The following CHCHD3 variants were observed in gnomAD, a reference collection of about 807,000 sequenced individuals.
CHCHD3 encodes the protein coiled-coil-helix-coiled-coil-helix domain containing 3, also known as MICOS complex subunit MIC19.
A neutral mutation model predicts 38.2 loss-of-function variants in CHCHD3; 20 were observed. That is an observed-to-expected ratio of 0.52 (90% CI 0.37 to 0.76). The LOEUF (loss-of-function observed/expected upper bound fraction) is 0.76, where lower values mean the gene tolerates loss of function less well. Among genes scored for constraint, CHCHD3 ranks in the 30% least tolerant of loss-of-function variants. CHCHD3 has a pLI of 0.00. For synonymous variants in CHCHD3, 82 were observed against 100.0 expected (o/e 0.82, Z 1.07); for missense variants, 245 against 279.2 (o/e 0.88, Z 0.87).
intron 4 of CHCHD3, among the ~76,000 whole-genome samples, chr7:132,930,360 G>T (rs1357642980): frequency 6.6e-6 from 1 of 151,756 alleles, no homozygotes; most frequent in Non-Finnish European, 1.5e-5. Flanking sequence ...GTAGAGAGTG[G>T]GTCTCACCAT....
At chr7:132,995,643 G>A (rs755345061) in intron 3 of CHCHD3, among the ~76,000 whole-genome samples, 35 of 152,176 alleles carry the variant, frequency 2.3e-4, no homozygotes, top group Admixed American at 2.6e-4. Context: ...GTGAAGCTGC[G>A]GAATTGGCCG....
At chr7:132,957,696 T>C (rs1159751184) in intron 4 of CHCHD3, among the ~76,000 whole-genome samples, 1 of 152,044 alleles carries the variant, frequency 6.6e-6, no homozygotes, top group Non-Finnish European at 1.5e-5. Flanking sequence ...GGTCAGGCTG[T>C]CTCAAGCTTC....
intron 4 of CHCHD3, chr7:132,973,855 G>T (rs1811683810): frequency 8.7e-7 from 1 of 1,152,662 alleles, no homozygotes; most frequent in East Asian, 6.9e-5. Flanking sequence ...TCACTCTTCA[G>T]TTCAAAGTTC....
intron 7 of CHCHD3, among the ~76,000 whole-genome samples, chr7:132,789,585 T>A (rs1278227367): frequency 2.0e-5 from 3 of 152,160 alleles, no homozygotes; most frequent in African/African-American, 7.2e-5. Flanking sequence ...ATCAACTGAT[T>A]TTTGAATCAC....
At chr7:132,797,517 C>T (rs893841909) in intron 6 of CHCHD3, among the ~76,000 whole-genome samples, 14 of 152,176 alleles carry the variant, frequency 9.2e-5, no homozygotes, top group African/African-American at 2.2e-4. Flanking sequence ...CCTACATTTA[C>T]TAGAATGTAA....
At chr7:132,875,541 T>C (rs761990756) in intron 5 of CHCHD3, among the ~76,000 whole-genome samples, 1 of 152,188 alleles carries the variant, frequency 6.6e-6, no homozygotes, top group Non-Finnish European at 1.5e-5. Context: ...TCTTTAGCTC[T>C]TGAAGGGACA....
At chr7:132,921,088 G>C (rs150353497) in intron 4 of CHCHD3, among the ~76,000 whole-genome samples, 13 of 152,160 alleles carry the variant, frequency 8.5e-5, no homozygotes, top group Admixed American at 7.2e-4. Flanking sequence ...CCAGGAAGAA[G>C]CAAAACCCAT....
intron 1 of CHCHD3, among the ~76,000 whole-genome samples, chr7:133,070,925 G>GGAGGA (rs1399706868): frequency 6.6e-6 from 1 of 152,192 alleles, no homozygotes; most frequent in Non-Finnish European, 1.5e-5. Flanking sequence ...AGATTTACAA[G>GGAGGA]GTAAGGAGGA....
chr7:132,816,876 C>T (rs185508001), intron 6 of CHCHD3, among the ~76,000 whole-genome samples: 195 of 152,226 alleles, frequency 1.3e-3, no homozygotes, highest in African/African-American at 4.5e-3. Flanking sequence ...CAAAGGATTT[C>T]CCTAGATAAA....
chr7:133,010,681 C>T (rs10262122), intron 3 of CHCHD3, among the ~76,000 whole-genome samples: 54,930 of 151,872 alleles, frequency 0.36, 10,105 homozygotes, highest in Admixed American at 0.41. Flanking sequence ...CAGGTTCAAG[C>T]GATTCTCGTG....
intron 4 of CHCHD3, among the ~76,000 whole-genome samples, chr7:132,906,168 T>C (rs139796516): frequency 2.5e-4 from 38 of 152,356 alleles, no homozygotes; most frequent in Middle Eastern, 3.4e-3. Context: ...ACATACAATG[T>C]TATCTATCAA....
chr7:132,920,357 A>G (rs1381881853), intron 4 of CHCHD3, among the ~76,000 whole-genome samples: 1 of 152,226 alleles, frequency 6.6e-6, no homozygotes, highest in East Asian at 1.9e-4. Flanking sequence ...CCCCTGCTCT[A>G]ATAGAGAATA....
intron 4 of CHCHD3, among the ~76,000 whole-genome samples, chr7:132,953,971 G>T (rs1811097696): frequency 6.6e-6 from 1 of 152,206 alleles, no homozygotes; most frequent in African/African-American, 2.4e-5. Flanking sequence ...GAAATATGGA[G>T]AAGATTGTGA....
At chr7:132,899,538 A>G (rs1346030908) in intron 4 of CHCHD3, among the ~76,000 whole-genome samples, 1 of 152,234 alleles carries the variant, frequency 6.6e-6, no homozygotes, top group Non-Finnish European at 1.5e-5. Context: ...TCCACTTCAA[A>G]CAGAATGTAA....
rs149808874 is a variant in CHCHD3 at position 132,797,990 on chromosome 7, T to C, written c.525-1413A>G. Among the ~76,000 whole-genome samples the C allele has an allele frequency of 2.9e-3, 444 of 152,314 alleles. 1 individual carries two copies. Among genetic ancestry groups the C allele is most frequent in the African/African-American group, 0.01 (426 of 41,574 alleles). On this transcript the variant is annotated intron_variant, in intron 6 of 7. Transcript: ENST00000262570. ...AAATTTAAATTTGTTATTTCCATAG[T>C]AATCTTGAAATCACATTATTTTAAA...
intron 5 of CHCHD3, among the ~76,000 whole-genome samples, chr7:132,848,731 G>A (rs1358941088): frequency 6.6e-6 from 1 of 152,062 alleles, no homozygotes; most frequent in Non-Finnish European, 1.5e-5. Flanking sequence ...TGTTATAGGT[G>A]GGCAGAAAAG....
rs1399123266 is a variant in CHCHD3 at position 132,948,452 on chromosome 7, T to C, written c.369+26717A>G. Among the ~76,000 whole-genome samples the C allele has an allele frequency of 2.0e-5, 3 of 152,120 alleles. No individual in the cohort carries two copies. The South Asian group carries it at 6.2e-4, about 31-fold the overall frequency. ...GAAACTTCGATAAGGGCAGCTATAG[T>C]AGAAAACGTAACAGCTTCCCAAGGA... is the stretch of plus-strand genomic sequence containing the variant. On this transcript the variant is annotated intron_variant, in intron 4 of 7. Coordinates refer to ENST00000262570, the MANE Select transcript of CHCHD3 (RefSeq NM_017812.4).
chr7:132,828,401 G>A lies in CHCHD3; in HGVS notation c.524+9998C>T, dbSNP rs116023639. On this transcript the variant is annotated intron_variant, in intron 6 of 7. Coordinates refer to ENST00000262570, the MANE Select transcript of CHCHD3 (RefSeq NM_017812.4). The stretch of plus-strand genomic sequence containing the variant: ...GGCCATTCTTACATCTTCCTTTGAA[G>A]TGTCCAAGTCTTTTGCCCATGAAAA... 2.5e-3 allele frequency among the ~76,000 whole-genome samples: 382 copies of A among 152,220 alleles called. 1 individual carries two copies. The highest frequency in any genetic ancestry group is 8.8e-3 in the African/African-American group (365 of 41,560).
intron 5 of CHCHD3, among the ~76,000 whole-genome samples, chr7:132,846,477 A>G (rs1375506620): frequency 6.6e-6 from 1 of 152,254 alleles, no homozygotes. Context: ...TTCATTATAT[A>G]GTAAAAGCTA....
Sources: gnomAD v4.1 joint callset for allele counts (sites outside exome capture counted in the v4.1 genomes callset) on GRCh38, gnomAD v4.1.1 for gene constraint, MANE v1.5 for transcripts, NCBI Gene and HGNC (gene_info 2026-07-23, HGNC 2026-07-21) for gene names.